ST3GAL5: variants seen among roughly 807,000 people sequenced by gnomAD.
The protein encoded by ST3GAL5 is ST3 beta-galactoside alpha-2,3-sialyltransferase 5, also known as lactosylceramide alpha-2,3-sialyltransferase.
A neutral mutation model predicts 46.1 loss-of-function variants in ST3GAL5; 25 were observed. The observed-to-expected ratio is 0.54, with a 90% CI of 0.40 to 0.76. The LOEUF (loss-of-function observed/expected upper bound fraction) is 0.76. Ranked by LOEUF, ST3GAL5 falls within the 30% of genes least tolerant of loss-of-function variation. The pLI, the probability that ST3GAL5 is intolerant of heterozygous loss-of-function variation, is 0.00. For synonymous variants in ST3GAL5, 182 were observed against 192.7 expected (o/e 0.94, Z 0.46); for missense variants, 431 against 521.2 (o/e 0.83, Z 1.69).
chr2:85,859,507 C>T (rs922413834), intron 3 of ST3GAL5, among the ~76,000 whole-genome samples: 12 of 152,154 alleles, frequency 7.9e-5, no homozygotes, highest in Admixed American at 2.6e-4. Context: ...ACATCCTACT[C>T]GACCAAAGCA....
chr2:85,885,764 G>A (rs540501710), intron 1 of ST3GAL5, among the ~76,000 whole-genome samples: 1 of 151,826 alleles, frequency 6.6e-6, no homozygotes, highest in East Asian at 1.9e-4. Flanking sequence ...GGCGGAGCCT[G>A]CAGTGAACTG....
At chr2:85,865,607 G>A (rs1573661031) in intron 1 of ST3GAL5, among the ~76,000 whole-genome samples, 1 of 152,288 alleles carries the variant, frequency 6.6e-6, no homozygotes, top group Middle Eastern at 3.4e-3. Flanking sequence ...TCAGCCAAGT[G>A]GTGGGAATCA....
chr2:85,870,325 T>C (rs138376774), intron 1 of ST3GAL5: 2 of 449,290 alleles, frequency 4.5e-6, no homozygotes, highest in Non-Finnish European at 9.5e-6. Context: ...CAGTTTCTTA[T>C]GAGGGTTTCG....
In ST3GAL5 at chr2:85,888,641, C is replaced by G. The variant is rs116545447; in HGVS notation, c.82+183G>C. Reference sequence around the variant, plus strand: ...GACCCCCCGCCCGGTCCACACGGCCCGGGACCACGACCCTCCGCCCGCGCC... The same window carrying G: ...GACCCCCCGCCCGGTCCACACGGCCGGGGACCACGACCCTCCGCCCGCGCC... On this transcript the variant is annotated intron_variant, in intron 1 of 6. Transcript: ENST00000638572. 3,532 of 354,884 alleles carry G rather than the reference C, an allele frequency of 1.0e-2. 112 individuals are homozygous for G. Among genetic ancestry groups the G allele is most frequent in the African/African-American group, 0.071 (3,301 of 46,190 alleles). 22.0% of individuals were successfully genotyped at this position (354,884 alleles called of 1,614,324 possible).
At chr2:85,863,034 A>G (rs1223115419) in intron 2 of ST3GAL5, among the ~76,000 whole-genome samples, 1 of 152,206 alleles carries the variant, frequency 6.6e-6, no homozygotes, top group Non-Finnish European at 1.5e-5. Context: ...TTAACTTACA[A>G]TAGCTAAGGG....
intron 1 of ST3GAL5, among the ~76,000 whole-genome samples, chr2:85,877,808 G>A (rs1686748335): frequency 6.6e-6 from 1 of 152,018 alleles, no homozygotes; most frequent in African/African-American, 2.4e-5. Flanking sequence ...AGTAGGTGAT[G>A]AACAAAAATT....
chr2:85,879,644 C>T (rs1185141646), intron 1 of ST3GAL5, among the ~76,000 whole-genome samples: 1 of 152,162 alleles, frequency 6.6e-6, no homozygotes, highest in Non-Finnish European at 1.5e-5. Flanking sequence ...CCAAATAAGG[C>T]AAAATCTAGA....
intron 6 of ST3GAL5, among the ~76,000 whole-genome samples, chr2:85,843,346 T>G (rs1682382421): frequency 6.6e-6 from 1 of 152,172 alleles, no homozygotes; most frequent in Non-Finnish European, 1.5e-5. Context: ...TGCCAAAATA[T>G]CCTCCAGAAA....
At chr2:85,867,779 T>C (rs772651292) in intron 1 of ST3GAL5, 26 of 693,934 alleles carry the variant, frequency 3.7e-5, no homozygotes, top group Non-Finnish European at 4.8e-5. Flanking sequence ...GCAGGACTTA[T>C]GGTATAACGG....
At position 85,840,377 on chromosome 2, in the gene ST3GAL5, C is replaced by A. The variant is rs367638648; in HGVS notation, c.1024G>T (p.Gly342Cys). ...GTGGCTAAGACAACGGCAATGACAC[C>A]GATTGTGGGGACGTTCTGAGAAAGG... is the stretch of plus-strand genomic sequence containing the variant. ...WGRDKNVPTI[G>C]VIAVVLATHL... The change falls in exon 7 of 7, where the codon GGT (glycine) becomes TGT (cysteine). Residue 342 changes from glycine to cysteine, a missense_variant. Physicochemically the swap from Gly to Cys is radical, Grantham distance 159 (BLOSUM62 -3). Coordinates refer to ENST00000638572, the MANE Select transcript of ST3GAL5 (RefSeq NM_003896.4). 8.1e-6 allele frequency: 13 copies of A among 1,613,770 alleles called. No individual in the cohort carries two copies. The highest frequency in any genetic ancestry group is 1.1e-5 in the Non-Finnish European group (13 of 1,180,012).
chr2:85,847,675 G>T, intron 4 of ST3GAL5, 186 bp downstream of exon 4: 1 of 1,312,242 alleles, frequency 7.6e-7, no homozygotes, highest in Non-Finnish European at 1.0e-6. Context: ...TGTGCCTGGG[G>T]TCCCAGCTAC....
intron 3 of ST3GAL5, chr2:85,848,475 C>T: frequency 7.9e-7 from 1 of 1,259,446 alleles, no homozygotes; most frequent in African/African-American, 1.5e-5. Flanking sequence ...CCACCCCCAG[C>T]CTAACACTGT....
At chr2:85,853,266 C>CT (rs148225035) in intron 3 of ST3GAL5, 15,558 of 352,898 alleles carry the variant, frequency 0.044, 466 homozygotes, top group East Asian at 0.11. Flanking sequence ...CACTGGTAGT[C>CT]TTTTTAACAA....
intron 1 of ST3GAL5, among the ~76,000 whole-genome samples, chr2:85,871,915 G>A (rs1253112184): frequency 6.6e-6 from 1 of 152,210 alleles, no homozygotes; most frequent in Non-Finnish European, 1.5e-5. Flanking sequence ...GGACTGTGTG[G>A]GAAGGCAAGC....
At chr2:85,881,440 TTTGGA>T (rs2104230592) in intron 1 of ST3GAL5, among the ~76,000 whole-genome samples, 1 of 152,288 alleles carries the variant, frequency 6.6e-6, no homozygotes, top group South Asian at 2.1e-4. Context: ...TGTGGGAAAG[TTTGGA>T]ATTTTCTGGA....
rs878854615 is a variant in ST3GAL5 at position 85,888,823 on chromosome 2, C to G, written c.82+1G>C. ...GCCGAGGAGGGGGCTGCGCCACGTACCTCGGCCGGCAGGTGCCGCCGCTGC... is the reference window on the plus strand; with the variant it reads ...GCCGAGGAGGGGGCTGCGCCACGTAGCTCGGCCGGCAGGTGCCGCCGCTGC... On this transcript the variant is annotated splice_donor_variant, in intron 1 of 6. Transcript: ENST00000638572. LOFTEE classifies it high-confidence loss of function. 20 of 1,258,732 alleles carry G rather than the reference C, an allele frequency of 1.6e-5. No homozygotes were observed. The highest frequency in any genetic ancestry group is 1.2e-4 in the Admixed American group (3 of 25,140). The allele number at this position is 1,258,732 out of a possible 1,614,324, so 78.0% of individuals were successfully genotyped here.
Position 85,840,039 on chromosome 2 carries a change from T to C in ST3GAL5, c.*105A>G. On this transcript the variant is annotated 3_prime_UTR_variant, in exon 7 of 7. Transcript: ENST00000638572. ...GTTTTTAAATTAAAAGTTAAAAACA[T>C]GAGCTGCACTTCAAAGTATCTGCAG... The C allele has an allele frequency of 6.5e-7, 1 of 1,537,050 alleles. No homozygotes were observed. The highest frequency in any genetic ancestry group is 8.9e-7 in the Non-Finnish European group (1 of 1,123,222).
intron 1 of ST3GAL5, among the ~76,000 whole-genome samples, chr2:85,880,421 C>T (rs937175497): frequency 1.3e-5 from 2 of 152,220 alleles, no homozygotes. Flanking sequence ...TTTGGGCAGG[C>T]TCCCCAACAG....
At chr2:85,867,534 C>T in intron 1 of ST3GAL5, 1 of 778,340 alleles carries the variant, frequency 1.3e-6, no homozygotes, top group Non-Finnish European at 2.4e-6. Flanking sequence ...ATATGCAAAC[C>T]CACCCCCAAA....
Sources: gnomAD v4.1 joint callset for allele counts (sites outside exome capture counted in the v4.1 genomes callset) on GRCh38, gnomAD v4.1.1 for gene constraint, MANE v1.5 for transcripts, NCBI Gene and HGNC (gene_info 2026-07-23, HGNC 2026-07-21) for gene names.